Variants in CNBD1 observed in about 807,000 individuals in gnomAD.
The protein encoded by CNBD1 is cyclic nucleotide-binding domain-containing protein 1.
A neutral mutation model predicts 54.4 loss-of-function variants in CNBD1; 71 were observed. The observed-to-expected ratio is 1.30, with a 90% confidence interval of 1.08 to 1.59. The LOEUF (loss-of-function observed/expected upper bound fraction) is 1.59. Among genes scored for constraint, CNBD1 ranks in the 40% most tolerant of loss-of-function variants. The pLI is 0.00. For missense variants in CNBD1, 659 were observed against 518.0 expected (o/e 1.27, Z -2.64); for synonymous variants, 182 against 170.7 (o/e 1.07, Z -0.51).
At chr8:87,214,069 G>T (rs546185282) in intron 5 of CNBD1, among the ~76,000 whole-genome samples, 9 of 152,312 alleles carry the variant, frequency 5.9e-5, no homozygotes, top group South Asian at 2.1e-4. Context: ...ACAAGAGGTG[G>T]GTTCCCATAT....
chr8:87,234,492 T>C (rs921471682), intron 5 of CNBD1, among the ~76,000 whole-genome samples: 15 of 152,212 alleles, frequency 9.9e-5, no homozygotes, highest in African/African-American at 3.6e-4. Context: ...ACTTACACAA[T>C]TCCGTCAGAG....
chr8:87,240,065 AACAC>A (rs10608912), intron 6 of CNBD1, among the ~76,000 whole-genome samples: 6,583 of 146,434 alleles, frequency 0.045, 265 homozygotes, highest in African/African-American at 0.11. Context: ...TCTGTGCCAA[AACAC>A]ACACACACAC....
At chr8:87,258,413 TC>T (rs1399881547) in intron 6 of CNBD1, among the ~76,000 whole-genome samples, 3 of 136,936 alleles carry the variant, frequency 2.2e-5, no homozygotes, top group Non-Finnish European at 3.2e-5. Flanking sequence ...CAAAAATTTT[TC>T]TTTTTTTTAT....
intron 4 of CNBD1, among the ~76,000 whole-genome samples, chr8:87,111,879 C>T (rs528665666): frequency 1.1e-3 from 169 of 152,002 alleles, no homozygotes; most frequent in African/African-American, 4.0e-3. Flanking sequence ...TGTTACATGT[C>T]TCTGATATTT....
intron 4 of CNBD1, chr8:87,044,349 C>T (rs1810137267): frequency 6.6e-6 from 1 of 151,896 alleles, no homozygotes; most frequent in African/African-American, 2.4e-5. Context: ...TTTTCCTTCC[C>T]TCCCTTCCTT....
At chr8:87,262,062 G>T (rs1019014342) in intron 6 of CNBD1, among the ~76,000 whole-genome samples, 5 of 152,088 alleles carry the variant, frequency 3.3e-5, no homozygotes, top group Non-Finnish European at 1.5e-5. Context: ...GCTGAGGAAG[G>T]AGGATCACTT....
intron 4 of CNBD1, among the ~76,000 whole-genome samples, chr8:86,945,270 G>GC (rs1371099159): frequency 2.0e-5 from 3 of 152,138 alleles, no homozygotes; most frequent in Non-Finnish European, 4.4e-5. Flanking sequence ...TGGCCCGATT[G>GC]TTTTTTCTTC....
intron 6 of CNBD1, among the ~76,000 whole-genome samples, chr8:87,247,692 G>T (rs1807835114): frequency 6.6e-6 from 1 of 152,120 alleles, no homozygotes; most frequent in African/African-American, 2.4e-5. Context: ...TCTACCTTTA[G>T]AAAGCCCTCT....
intron 4 of CNBD1, among the ~76,000 whole-genome samples, chr8:86,964,076 G>T (rs531387461): frequency 6.6e-6 from 1 of 152,352 alleles, no homozygotes; most frequent in Admixed American, 6.5e-5. Flanking sequence ...GGCCAAGGTG[G>T]CCACTTCCAG....
chr8:87,342,739 G>A (rs1260024397), intron 8 of CNBD1, among the ~76,000 whole-genome samples: 3 of 152,160 alleles, frequency 2.0e-5, no homozygotes, highest in South Asian at 2.1e-4. Context: ...AAGGGGAGGG[G>A]GCACACGAAC....
At chr8:87,383,792 C>T (rs552785911), downstream of CNBD1, among the ~76,000 whole-genome samples, 6 of 152,076 alleles carry the variant, frequency 3.9e-5, no homozygotes, top group Non-Finnish European at 7.4e-5. Context: ...GGAAACACAA[C>T]CTAAGGTTAG....
At chr8:87,212,209 G>GA (rs1814113924) in intron 5 of CNBD1, among the ~76,000 whole-genome samples, 2 of 152,022 alleles carry the variant, frequency 1.3e-5, no homozygotes, top group South Asian at 4.1e-4. Context: ...AAACATTGTT[G>GA]AAAGAAATTA....
intron 7 of CNBD1, among the ~76,000 whole-genome samples, chr8:87,285,467 G>A (rs11787016): frequency 0.28 from 42,792 of 152,072 alleles, 6,483 homozygotes; most frequent in African/African-American, 0.39. Flanking sequence ...GCTAGGGGCG[G>A]TGGCTCATGC....
At chr8:86,881,410 C>G (rs932110677) in intron 1 of CNBD1, among the ~76,000 whole-genome samples, 1 of 152,060 alleles carries the variant, frequency 6.6e-6, no homozygotes, top group African/African-American at 2.4e-5. Context: ...AGTGAATTCC[C>G]ATTAACAATT....
intron 1 of CNBD1, among the ~76,000 whole-genome samples, chr8:86,883,736 GATTA>G (rs1320335705): frequency 4.6e-5 from 7 of 152,130 alleles, no homozygotes; most frequent in Non-Finnish European, 5.9e-5. Context: ...ATATGAAGAA[GATTA>G]ATTATAGTAG....
intron 4 of CNBD1, among the ~76,000 whole-genome samples, chr8:87,192,978 A>C (rs949272566): frequency 6.6e-6 from 1 of 152,226 alleles, no homozygotes; most frequent in Non-Finnish European, 1.5e-5. Context: ...AACAGAAAAT[A>C]AGTGGTAATC....
At chr8:87,007,278 T>A (rs1361600156) in intron 4 of CNBD1, among the ~76,000 whole-genome samples, 5 of 152,180 alleles carry the variant, frequency 3.3e-5, no homozygotes, top group Non-Finnish European at 5.9e-5. Context: ...CTTTTCATAC[T>A]GTAGAGAATG....
At chr8:87,323,077 C>A in intron 8 of CNBD1, among the ~76,000 whole-genome samples, 1 of 106,772 alleles carries the variant, frequency 9.4e-6, no homozygotes. Flanking sequence ...TTCCCCATTG[C>A]TTGTTTTTCT....
intron 4 of CNBD1, among the ~76,000 whole-genome samples, chr8:87,064,525 A>G (rs1410967911): frequency 6.6e-6 from 1 of 151,684 alleles, no homozygotes; most frequent in Admixed American, 6.6e-5. Context: ...TAATTTTTTT[A>G]TATTTTAAAA....
Sources: gnomAD v4.1 joint callset for allele counts (sites outside exome capture counted in the v4.1 genomes callset) on GRCh38, gnomAD v4.1.1 for gene constraint, MANE v1.5 for transcripts, NCBI Gene and HGNC (gene_info 2026-07-23, HGNC 2026-07-21) for gene names.